DGKB: variants seen among roughly 807,000 people sequenced by gnomAD.
The protein encoded by DGKB is 90 kDa diacylglycerol kinase.
In DGKB, 67 loss-of-function variants were observed where a neutral mutation model predicts 114.3. The ratio of observed to expected loss-of-function variants is 0.59; its 90% CI spans 0.48 to 0.72. The LOEUF is 0.72. Among genes scored for constraint, DGKB ranks in the 30% least tolerant of loss-of-function variants. The pLI is 0.00. For missense variants in DGKB, 907 were observed against 975.2 expected (o/e 0.93, Z 0.93); for synonymous variants, 398 against 323.1 (o/e 1.23, Z -2.49).
In DGKB at chr7:14,170,201, GAAAT is replaced by G. The variant is rs796489982; in HGVS notation, c.2304+6634_2304+6637del. Reference sequence around the variant, plus strand: ...AGAAAGAAAGAAAGAAAGAAAGAAAGAAATACATTAAGCCTCTGAAGAGTGACTG... The same window carrying G: ...AGAAAGAAAGAAAGAAAGAAAGAAAGACATTAAGCCTCTGAAGAGTGACTG... On this transcript the variant is annotated intron_variant, in intron 25 of 25. Coordinates refer to ENST00000402815, the MANE Select transcript of DGKB (RefSeq NM_001350709.2). Among the ~76,000 whole-genome samples the G allele has an allele frequency of 1.5e-3, 208 of 142,730 alleles. 2 individuals carry two copies. Among genetic ancestry groups the G allele is most frequent in the Non-Finnish European group, 1.9e-3 (124 of 65,514 alleles). The allele number at this position is 142,730 out of a possible 152,430, so 93.6% of individuals were successfully genotyped here. A position where few individuals can be genotyped will look rare whatever the true frequency, so the allele number is the denominator to read the frequency against.
At chr7:14,886,175 G>A (rs1021300745) in intron 1 of DGKB, among the ~76,000 whole-genome samples, 7 of 151,832 alleles carry the variant, frequency 4.6e-5, no homozygotes, top group African/African-American at 1.7e-4. Context: ...ACAAATGTGA[G>A]AGGCAACAGA....
At chr7:14,932,767 G>T (rs1785086803) in intron 1 of DGKB, among the ~76,000 whole-genome samples, 1 of 152,138 alleles carries the variant, frequency 6.6e-6, no homozygotes, top group Non-Finnish European at 1.5e-5. Context: ...TATCATAAGG[G>T]TCACCAGAAA....
At chr7:14,744,701 C>T (rs1833020105) in intron 4 of DGKB, among the ~76,000 whole-genome samples, 1 of 152,192 alleles carries the variant, frequency 6.6e-6, no homozygotes. Context: ...AAGTATAAGA[C>T]TGAAGTCTAT....
At chr7:14,173,837 T>C (rs1049360390) in intron 25 of DGKB, among the ~76,000 whole-genome samples, 1 of 152,148 alleles carries the variant, frequency 6.6e-6, no homozygotes, top group African/African-American at 2.4e-5. Flanking sequence ...TGGCCTACTG[T>C]AAGCTGCAAT....
intron 19 of DGKB, among the ~76,000 whole-genome samples, chr7:14,579,962 A>G (rs1485109878): frequency 6.6e-6 from 1 of 152,220 alleles, no homozygotes; most frequent in Non-Finnish European, 1.5e-5. Context: ...AATATTTAGC[A>G]TTCAAGTCCT....
At chr7:14,752,102 C>T (rs553321731) in intron 4 of DGKB, among the ~76,000 whole-genome samples, 4 of 152,194 alleles carry the variant, frequency 2.6e-5, no homozygotes, top group African/African-American at 4.8e-5. Context: ...AAGATGAATT[C>T]GGTTCAGTCA....
chr7:14,152,200 G>A (rs1054865501), intron 25 of DGKB, among the ~76,000 whole-genome samples: 9 of 152,024 alleles, frequency 5.9e-5, no homozygotes, highest in African/African-American at 2.2e-4. Flanking sequence ...TTAAGTTTCA[G>A]CAATCTGAGG....
chr7:14,232,905 T>C (rs1203486943), intron 23 of DGKB, among the ~76,000 whole-genome samples: 2 of 152,052 alleles, frequency 1.3e-5, no homozygotes, highest in Admixed American at 6.6e-5. Flanking sequence ...AAAACTTCTT[T>C]ACAAGCTCTA....
At chr7:14,328,691 A>G (rs1809178680) in intron 23 of DGKB, among the ~76,000 whole-genome samples, 2 of 152,034 alleles carry the variant, frequency 1.3e-5, no homozygotes, top group Non-Finnish European at 1.5e-5. Flanking sequence ...ATATTATGGG[A>G]TAATTAAAAT....
At chr7:14,349,275 T>C (rs750231191) in intron 21 of DGKB, among the ~76,000 whole-genome samples, 29 of 152,086 alleles carry the variant, frequency 1.9e-4, no homozygotes, top group Non-Finnish European at 2.6e-4. Flanking sequence ...TCTGAATGCA[T>C]AGACGAGAAT....
intron 20 of DGKB, among the ~76,000 whole-genome samples, chr7:14,511,674 T>C (rs923954100): frequency 1.3e-5 from 2 of 152,224 alleles, no homozygotes; most frequent in African/African-American, 4.8e-5. Context: ...GCGGCTTAGC[T>C]TTCAGTATCT....
intron 3 of DGKB, among the ~76,000 whole-genome samples, chr7:14,756,863 G>T (rs1834948678): frequency 6.6e-6 from 1 of 152,000 alleles, no homozygotes; most frequent in Non-Finnish European, 1.5e-5. Context: ...CAACGTAAAT[G>T]TTGCCTTCTG....
intron 2 of DGKB, among the ~76,000 whole-genome samples, chr7:14,804,833 C>G (rs1381427763): frequency 6.6e-6 from 1 of 151,910 alleles, no homozygotes; most frequent in Non-Finnish European, 1.5e-5. Flanking sequence ...ACTATATTTT[C>G]TTAGATTTGT....
intron 21 of DGKB, among the ~76,000 whole-genome samples, chr7:14,359,639 C>T (rs1244309159): frequency 6.6e-6 from 1 of 152,018 alleles, no homozygotes; most frequent in African/African-American, 2.4e-5. Flanking sequence ...CAAACAACCC[C>T]ATCAAAAAGT....
Position 14,527,474 on chromosome 7 carries a change from A to C in DGKB, c.1770+46738T>G, listed in dbSNP as rs112215544. 9.6e-4 allele frequency among the ~76,000 whole-genome samples: 146 copies of C among 152,230 alleles called. 1 individual carries two copies. Among genetic ancestry groups the C allele is most frequent in the African/African-American group, 3.1e-3 (129 of 41,560 alleles). ...AGGAGAAAAATAGAATAAACATCCA[A>C]ATTTCTGGCATAATAGCAATTCTGC... is the stretch of plus-strand genomic sequence containing the variant. On this transcript the variant is annotated intron_variant, in intron 20 of 25. Coordinates refer to ENST00000402815, the MANE Select transcript of DGKB (RefSeq NM_001350709.2).
chr7:14,804,264 A>G (rs974328472), intron 2 of DGKB, among the ~76,000 whole-genome samples: 1 of 151,518 alleles, frequency 6.6e-6, no homozygotes, highest in African/African-American at 2.4e-5. Context: ...GATGTCTCTT[A>G]TTGCATGGGA....
At chr7:14,389,235 C>T (rs1315734377) in intron 21 of DGKB, among the ~76,000 whole-genome samples, 2 of 152,100 alleles carry the variant, frequency 1.3e-5, no homozygotes, top group African/African-American at 4.8e-5. Context: ...TGGAAAATTG[C>T]CACTTGTGTG....
intron 23 of DGKB, among the ~76,000 whole-genome samples, chr7:14,243,722 G>T (rs1171922944): frequency 6.6e-6 from 1 of 152,072 alleles, no homozygotes; most frequent in African/African-American, 2.4e-5. Context: ...TATTCTCTCA[G>T]TAAGACTGAT....
intron 21 of DGKB, among the ~76,000 whole-genome samples, chr7:14,397,953 A>G (rs560800657): frequency 2.2e-4 from 33 of 152,230 alleles, no homozygotes; most frequent in African/African-American, 7.5e-4. Context: ...ATAGTGGTAC[A>G]AAACAGTGGT....
Sources: gnomAD v4.1 joint callset for allele counts (sites outside exome capture counted in the v4.1 genomes callset) on GRCh38, gnomAD v4.1.1 for gene constraint, MANE v1.5 for transcripts, NCBI Gene and HGNC (gene_info 2026-07-23, HGNC 2026-07-21) for gene names.